Variants in DIABLO observed in about 807,000 individuals in gnomAD.
The protein encoded by DIABLO is diablo homolog, mitochondrial.
Under a neutral mutation model 31.7 loss-of-function variants are expected in DIABLO, and 32 were observed. The ratio of observed to expected loss-of-function variants is 1.01; its 90% CI spans 0.76 to 1.35. The LOEUF (loss-of-function observed/expected upper bound fraction) is 1.35, where lower values mean the gene tolerates loss of function less well. Ranked by LOEUF, DIABLO falls within the 40% of genes most tolerant of loss-of-function variation. The pLI is 0.00. For missense variants in DIABLO, 316 were observed against 286.4 expected, an observed-to-expected ratio of 1.10 and a Z score of -0.75; for synonymous variants, 132 against 103.2, an observed-to-expected ratio of 1.28 and a Z score of -1.69.
In DIABLO at chr12:122,216,444, G is replaced by A. The variant is rs775356846; in HGVS notation, c.523+44C>T. 5 of 1,522,644 alleles carry A rather than the reference G, an allele frequency of 3.3e-6. No homozygotes were observed. The African/African-American group carries it at 4.1e-5, about 13-fold the overall frequency. 94.3% of individuals were successfully genotyped at this position (1,522,644 alleles called of 1,614,324 possible). The stretch of plus-strand genomic sequence containing the variant: ...TGAAAACTCAAATGGTACCTTCCTA[G>A]TTAAAAAATTAAAAAAAAAACCCAA... On this transcript the variant is annotated intron_variant, in intron 5 of 5. Transcript: ENST00000464942.
At chr12:122,221,472 G>A (rs939129228) in intron 2 of DIABLO, 1 of 152,096 alleles carries the variant, frequency 6.6e-6, no homozygotes, top group Non-Finnish European at 1.5e-5. Context: ...ATAGTGTTGT[G>A]ATCCCAGCTC....
chr12:122,216,453 TTA>T (rs1491124102), intron 5 of DIABLO, 33 bp downstream of exon 5: 1 of 1,315,822 alleles, frequency 7.6e-7, no homozygotes, highest in Non-Finnish European at 1.0e-6. Context: ...AGTTAAAAAA[TTA>T]AAAAAAAAAC....
At chr12:122,225,837 G>A (rs1593184973) in intron 1 of DIABLO, 128 bp downstream of exon 1, 1 of 1,517,828 alleles carries the variant, frequency 6.6e-7, no homozygotes, top group East Asian at 2.5e-5. Context: ...GGAGCGAGAC[G>A]CCGCGACCCA....
chr12:122,226,159 G>A (rs1399242728), upstream of DIABLO: 3 of 1,256,798 alleles, frequency 2.4e-6, no homozygotes, highest in African/African-American at 4.4e-5. Flanking sequence ...GCAGGCAGGG[G>A]GAAAGGGGGC....
Position 122,208,065 on chromosome 12 carries a change from C to G in DIABLO, c.*316G>C, listed in dbSNP as rs553469294. ...ACAGTTGCTGAACTTAAGGGCATGACAAAAAGGACTCCTCTCTCTGACCCA... is the reference window on the plus strand; with the variant it reads ...ACAGTTGCTGAACTTAAGGGCATGAGAAAAAGGACTCCTCTCTCTGACCCA... On this transcript the variant is annotated 3_prime_UTR_variant, in exon 6 of 6. Coordinates refer to ENST00000464942, the MANE Select transcript of DIABLO (RefSeq NM_001371333.1). 55 of 582,882 alleles carry G rather than the reference C, an allele frequency of 9.4e-5. No individual in the cohort carries two copies. Among genetic ancestry groups the G allele is most frequent in the African/African-American group, 8.6e-4 (47 of 54,458 alleles). The allele number at this position is 582,882 out of a possible 1,614,324, so 36.1% of individuals were successfully genotyped here. A position where few individuals can be genotyped will look rare whatever the true frequency, so the allele number is the denominator to read the frequency against.
At chr12:122,226,489 C>T, upstream of DIABLO, 1 of 698,876 alleles carries the variant, frequency 1.4e-6, no homozygotes, top group Non-Finnish European at 2.6e-6. Context: ...CCGATGAGCA[C>T]CGTGTAGCTG....
intron 5 of DIABLO, among the ~76,000 whole-genome samples, chr12:122,214,355 A>G (rs1038595611): frequency 6.6e-6 from 1 of 152,068 alleles, no homozygotes; most frequent in Non-Finnish European, 1.5e-5. Flanking sequence ...CCTTTGTATC[A>G]TTTTTAAGAT....
chr12:122,215,868 C>A (rs973127987), intron 5 of DIABLO, among the ~76,000 whole-genome samples: 11 of 124,602 alleles, frequency 8.8e-5, no homozygotes, highest in African/African-American at 3.1e-4. Context: ...AAAACCCCAT[C>A]TCTATTTTAT....
At position 122,208,272 on chromosome 12, in the gene DIABLO, A is replaced by C. The variant is rs1593164056; in HGVS notation, c.*109T>G. 5.3e-6 allele frequency: 7 copies of C among 1,330,334 alleles called. No individual in the cohort carries two copies. Among genetic ancestry groups the C allele is most frequent in the Non-Finnish European group, 7.4e-6 (7 of 941,582 alleles). The allele number at this position is 1,330,334 out of a possible 1,614,324, so 82.4% of individuals were successfully genotyped here. A position where few individuals can be genotyped will look rare whatever the true frequency, so the allele number is the denominator to read the frequency against. ...GTCTCGCCTGATTGGCCAGGGCAGG[A>C]TCTGCCGCCTCTTCTCGGTGCACAG... On this transcript the variant is annotated 3_prime_UTR_variant, in exon 6 of 6. Transcript: ENST00000464942.
chr12:122,216,639 A>G (rs1469834087), intron 4 of DIABLO, 55 bp from the exon 5 acceptor site: 17 of 1,578,948 alleles, frequency 1.1e-5, no homozygotes, highest in Admixed American at 8.3e-5. Context: ...GCCCATTTAA[A>G]TGGACTTAAA....
In DIABLO at chr12:122,216,043, T is replaced by C. The variant is rs185761197; in HGVS notation, c.523+445A>G. 7.2e-5 allele frequency among the ~76,000 whole-genome samples: 11 copies of C among 152,264 alleles called. 1 individual carries two copies. Among genetic ancestry groups the C allele is most frequent in the South Asian group, 2.1e-4 (1 of 4,832 alleles). ...GAAATGCCTACCACAAAGCCTGACATAGACAAATAATTTGTCCTGGTTTTG... is the reference window on the plus strand; with the variant it reads ...GAAATGCCTACCACAAAGCCTGACACAGACAAATAATTTGTCCTGGTTTTG... On this transcript the variant is annotated intron_variant, in intron 5 of 5. Transcript: ENST00000464942.
At chr12:122,225,621 C>T (rs970808381) in intron 1 of DIABLO, 1 of 1,262,214 alleles carries the variant, frequency 7.9e-7, no homozygotes, top group Non-Finnish European at 1.0e-6. Context: ...TCTCCCTTCC[C>T]GGACTCCCCC....
rs1378462838 is a variant in DIABLO at position 122,207,711 on chromosome 12, T to TA, written c.*669dup. ...TCTCTTTCAGATGCAAACAAAATCT[T>TA]ACACTCTTCTCCTTTGGATACAATA... On this transcript the variant is annotated 3_prime_UTR_variant, in exon 6 of 6. Coordinates refer to ENST00000464942, the MANE Select transcript of DIABLO (RefSeq NM_001371333.1). The TA allele has an allele frequency of 1.3e-5, 7 of 546,068 alleles. No homozygotes were observed. In the East Asian group the frequency reaches 2.7e-4, roughly 21 times the overall value. The allele number at this position is 546,068 out of a possible 1,614,324, so 33.8% of individuals were successfully genotyped here. A position where few individuals can be genotyped will look rare whatever the true frequency, so the allele number is the denominator to read the frequency against.
chr12:122,226,720 C>T (rs1012762731), upstream of DIABLO: 32 of 579,056 alleles, frequency 5.5e-5, no homozygotes, highest in African/African-American at 4.1e-4. Context: ...CCTGGACGCT[C>T]GCTTCTCGGT....
chr12:122,212,844 C>G (rs1954117677), intron 5 of DIABLO, among the ~76,000 whole-genome samples: 1 of 152,036 alleles, frequency 6.6e-6, no homozygotes, highest in Non-Finnish European at 1.5e-5. Context: ...CCAGGATGGT[C>G]TTTATCTCCT....
intron 5 of DIABLO, among the ~76,000 whole-genome samples, chr12:122,211,962 C>T (rs1378364044): frequency 2.0e-5 from 3 of 150,572 alleles, no homozygotes; most frequent in African/African-American, 7.3e-5. Context: ...TTTATTTTTA[C>T]TGCAATCACT....
At chr12:122,210,371 CTTT>C (rs11312074) in intron 5 of DIABLO, among the ~76,000 whole-genome samples, 7 of 73,808 alleles carry the variant, frequency 9.5e-5, no homozygotes, top group Admixed American at 1.6e-4. Flanking sequence ...CCATTTCTAC[CTTT>C]TTTTTTTTTT....
chr12:122,219,249 C>A (rs1473270522), intron 2 of DIABLO, among the ~76,000 whole-genome samples: 4 of 151,646 alleles, frequency 2.6e-5, no homozygotes, highest in Non-Finnish European at 4.4e-5. Flanking sequence ...AAACAAAAAA[C>A]CAAAAAAACC....
intron 5 of DIABLO, among the ~76,000 whole-genome samples, chr12:122,211,330 C>G (rs1954084795): frequency 6.6e-6 from 1 of 151,980 alleles, no homozygotes; most frequent in Non-Finnish European, 1.5e-5. Context: ...CCCTGGGAGG[C>G]AGAAGTAACG....
Sources: allele counts gnomAD v4.1 joint callset (sites outside exome capture counted in the v4.1 genomes callset), GRCh38; gene constraint gnomAD v4.1.1; transcripts MANE v1.5; gene names NCBI Gene and HGNC (gene_info 2026-07-23, HGNC 2026-07-21).